Variants in NRCAM observed in about 807,000 individuals in gnomAD.
The protein encoded by NRCAM is neuronal cell adhesion molecule.
In NRCAM, 83 loss-of-function variants were observed where a neutral mutation model predicts 156.5. That is an observed-to-expected ratio of 0.53 (90% CI 0.44 to 0.64). The LOEUF (loss-of-function observed/expected upper bound fraction) is 0.64. NRCAM is among the 30% of genes least tolerant of loss of function. NRCAM has a pLI of 0.00. For missense variants in NRCAM, 1,417 were observed against 1,597.3 expected (o/e 0.89, Z 1.92); for synonymous variants, 538 against 563.9 (o/e 0.95, Z 0.65).
intron 13 of NRCAM, among the ~76,000 whole-genome samples, chr7:108,201,275 G>C (rs2077967058): frequency 6.6e-6 from 1 of 151,842 alleles, no homozygotes; most frequent in South Asian, 2.1e-4. Context: ...TGCCCACCAT[G>C]TGCCCACCCT....
intron 2 of NRCAM, among the ~76,000 whole-genome samples, chr7:108,348,501 A>G (rs2099386497): frequency 6.6e-6 from 1 of 152,208 alleles, no homozygotes; most frequent in Admixed American, 6.5e-5. Context: ...GGAGTATTTT[A>G]GGGAACAGTG....
rs1441163619 is a variant in NRCAM, at chr7:108,180,134, A to G, written c.2851+89T>C. The G allele has an allele frequency of 8.8e-5, 97 of 1,107,342 alleles. No individual in the cohort carries two copies. In the East Asian group the frequency reaches 1.8e-3, roughly 21 times the overall value. The allele number at this position is 1,107,342 out of a possible 1,614,324, so 68.6% of individuals were successfully genotyped here. A position where few individuals can be genotyped will look rare whatever the true frequency, so the allele number is the denominator to read the frequency against. The stretch of plus-strand genomic sequence containing the variant: ...TTCAATCACATTTGGCTTCCAGAAT[A>G]TACTTTGATCAGTAGCCCTTCTGTC... On this transcript the variant is annotated intron_variant, in intron 25 of 32. Transcript: ENST00000379028.
chr7:108,253,830 T>TAA (rs1158595078), intron 3 of NRCAM, among the ~76,000 whole-genome samples: 2 of 151,464 alleles, frequency 1.3e-5, no homozygotes, highest in African/African-American at 4.9e-5. Flanking sequence ...ATGGGGGAGT[T>TAA]TTTCTGAGTA....
intron 32 of NRCAM, among the ~76,000 whole-genome samples, chr7:108,157,619 T>C (rs893094414): frequency 6.6e-6 from 1 of 152,092 alleles, no homozygotes; most frequent in Non-Finnish European, 1.5e-5. Flanking sequence ...GTGGATACAT[T>C]GTATAGTGGT....
intron 25 of NRCAM, among the ~76,000 whole-genome samples, chr7:108,178,612 G>C (rs2061910396): frequency 6.6e-6 from 1 of 152,194 alleles, no homozygotes; most frequent in Admixed American, 6.5e-5. Context: ...CCTGAGAGCT[G>C]ACAGCTGCCC....
At chr7:108,410,999 CTGT>C (rs771786040) in intron 1 of NRCAM, among the ~76,000 whole-genome samples, 11 of 142,144 alleles carry the variant, frequency 7.7e-5, no homozygotes, top group Admixed American at 2.8e-4. Context: ...CAGTTTTATT[CTGT>C]TTTTTTAAAA....
intron 3 of NRCAM, among the ~76,000 whole-genome samples, chr7:108,243,598 T>G (rs2095688045): frequency 6.6e-6 from 1 of 152,244 alleles, no homozygotes; most frequent in Non-Finnish European, 1.5e-5. Flanking sequence ...TAATCAAGGC[T>G]AAGGAGTATG....
In NRCAM at chr7:108,223,721, TCA is replaced by T; in HGVS notation, c.890+2_890+3del. 1 of 1,428,658 alleles carries T rather than the reference TCA, an allele frequency of 7.0e-7. No homozygotes were observed. Among genetic ancestry groups the T allele is most frequent in the Non-Finnish European group, 9.9e-7 (1 of 1,011,852 alleles). 88.5% of individuals were successfully genotyped at this position (1,428,658 alleles called of 1,614,324 possible). ...GTACTTCAGGACAGAAAGTGTTAAC[TCA>T]CAGTCCTTCTGCAATGCACTCCAGT... On this transcript the variant is annotated splice_donor_variant and splice_donor_region_variant and intron_variant, in intron 11 of 32. Transcript: ENST00000379028. LOFTEE classifies it high-confidence loss of function.
intron 3 of NRCAM, among the ~76,000 whole-genome samples, chr7:108,311,764 T>C (rs1297656694): frequency 1.3e-5 from 2 of 152,158 alleles, no homozygotes; most frequent in Admixed American, 6.5e-5. Context: ...TCTCAATGGA[T>C]CAGCCTAAGA....
intron 3 of NRCAM, among the ~76,000 whole-genome samples, chr7:108,281,240 C>T (rs966171551): frequency 3.9e-5 from 6 of 152,048 alleles, no homozygotes; most frequent in African/African-American, 1.4e-4. Context: ...ACATATATAA[C>T]ATGAACTTTA....
intron 13 of NRCAM, among the ~76,000 whole-genome samples, chr7:108,202,774 T>G (rs2078864404): frequency 6.6e-6 from 1 of 152,196 alleles, no homozygotes; most frequent in Non-Finnish European, 1.5e-5. Flanking sequence ...TATGTCACAG[T>G]GCCAGGAAGA....
chr7:108,240,077 T>C lies in NRCAM; in HGVS notation c.-13A>G. 6.4e-7 allele frequency: 1 copy of C among 1,567,238 alleles called. No individual in the cohort carries two copies. Among genetic ancestry groups the C allele is most frequent in the Non-Finnish European group, 8.8e-7 (1 of 1,138,666 alleles). On this transcript the variant is annotated 5_prime_UTR_variant, in exon 4 of 33. Transcript: ENST00000379028. The stretch of plus-strand genomic sequence containing the variant: ...TTTTAAGCTGCATTAGCTTAACTCC[T>C]GCTGAGACTCACACACTGAATTTCC...
intron 1 of NRCAM, among the ~76,000 whole-genome samples, chr7:108,406,883 A>G (rs2099808970): frequency 6.6e-6 from 1 of 152,232 alleles, no homozygotes; most frequent in Non-Finnish European, 1.5e-5. Context: ...ACTAGTATGA[A>G]GCTAGAATGC....
At chr7:108,377,168 A>C (rs1443896872) in intron 2 of NRCAM, among the ~76,000 whole-genome samples, 1 of 152,188 alleles carries the variant, frequency 6.6e-6, no homozygotes, top group Non-Finnish European at 1.5e-5. Flanking sequence ...AAAAATTGAA[A>C]GTGAATGGAA....
intron 1 of NRCAM, among the ~76,000 whole-genome samples, chr7:108,420,382 AGTCT>A (rs1458977779): frequency 6.6e-6 from 1 of 152,168 alleles, no homozygotes; most frequent in Admixed American, 6.5e-5. Context: ...TGCTAAAAAA[AGTCT>A]GTGTGTTCTG....
At chr7:108,362,728 T>G (rs139928647) in intron 2 of NRCAM, among the ~76,000 whole-genome samples, 11 of 152,288 alleles carry the variant, frequency 7.2e-5, no homozygotes, top group Non-Finnish European at 1.2e-4. Context: ...TTGGAGACTT[T>G]GATACAAACT....
chr7:108,342,012 G>A (rs1461556012), intron 2 of NRCAM, among the ~76,000 whole-genome samples: 2 of 152,104 alleles, frequency 1.3e-5, no homozygotes, highest in African/African-American at 2.4e-5. Flanking sequence ...CCTGACTCTC[G>A]ATTCTTTTTT....
At chr7:108,370,755 C>T (rs2099623193) in intron 2 of NRCAM, among the ~76,000 whole-genome samples, 1 of 152,082 alleles carries the variant, frequency 6.6e-6, no homozygotes, top group Non-Finnish European at 1.5e-5. Flanking sequence ...CAAGTTAAAG[C>T]TTCAAGACTG....
chr7:108,338,712 A>G (rs2099238266), intron 2 of NRCAM, among the ~76,000 whole-genome samples: 1 of 152,150 alleles, frequency 6.6e-6, no homozygotes, highest in South Asian at 2.1e-4. Flanking sequence ...ATAGTAGAAA[A>G]AAAAGTGTGC....
Sources: gnomAD v4.1 joint callset for allele counts (sites outside exome capture counted in the v4.1 genomes callset) on GRCh38, gnomAD v4.1.1 for gene constraint, MANE v1.5 for transcripts, NCBI Gene and HGNC (gene_info 2026-07-23, HGNC 2026-07-21) for gene names.